The following RAPGEF2 variants were observed in gnomAD, a reference collection of about 807,000 sequenced individuals.
RAPGEF2 encodes the protein PDZ domain containing guanine nucleotide exchange factor (GEF) 1.
Under a neutral mutation model 186.7 loss-of-function variants are expected in RAPGEF2, and 54 were observed. That is an observed-to-expected ratio of 0.29 (90% CI 0.23 to 0.36). The LOEUF (loss-of-function observed/expected upper bound fraction) is 0.36, where lower values mean the gene tolerates loss of function less well. RAPGEF2 is among the 10% of genes least tolerant of loss of function. The probability of loss-of-function intolerance (pLI) is 1.00; values close to 1 mark genes in which losing one functional copy is unlikely to be tolerated. For missense variants in RAPGEF2, 1,532 were observed against 2,045.0 expected, an observed-to-expected ratio of 0.75 and a Z score of 4.84; for synonymous variants, 712 against 705.9, an observed-to-expected ratio of 1.01 and a Z score of -0.14.
At chr4:159,267,376 G>A in intron 7 of RAPGEF2, 2 of 1,240,308 alleles carry the variant, frequency 1.6e-6, no homozygotes, top group South Asian at 1.3e-5. Context: ...GATTGTGTGT[G>A]TGCATGTGCT....
chr4:159,230,237 G>A (rs1175792159), intron 4 of RAPGEF2, among the ~76,000 whole-genome samples: 1 of 152,118 alleles, frequency 6.6e-6, no homozygotes, highest in African/African-American at 2.4e-5. Context: ...TCAAACGCTG[G>A]TGTCTGTTTA....
At chr4:159,260,554 C>G (rs916416986) in intron 7 of RAPGEF2, among the ~76,000 whole-genome samples, 4 of 152,090 alleles carry the variant, frequency 2.6e-5, no homozygotes, top group Non-Finnish European at 4.4e-5. Context: ...TCTGGCTGAA[C>G]TACTTAATGC....
intron 7 of RAPGEF2, among the ~76,000 whole-genome samples, chr4:159,251,292 G>T (rs1755347406): frequency 6.6e-6 from 1 of 152,238 alleles, no homozygotes; most frequent in Admixed American, 6.5e-5. Context: ...TGGTCCCATC[G>T]ACTGCCCAAG....
At chr4:159,200,916 C>G (rs1177662982) in intron 3 of RAPGEF2, among the ~76,000 whole-genome samples, 1 of 152,052 alleles carries the variant, frequency 6.6e-6, no homozygotes. Flanking sequence ...TTACATATAA[C>G]TCAGTATTAT....
intron 4 of RAPGEF2, among the ~76,000 whole-genome samples, chr4:159,219,536 T>C (rs1486541580): frequency 6.6e-6 from 1 of 152,008 alleles, no homozygotes; most frequent in Non-Finnish European, 1.5e-5. Context: ...TTTGTATTTT[T>C]AGTAGAGACG....
At chr4:159,282,122 C>A (rs1290933208) in intron 7 of RAPGEF2, among the ~76,000 whole-genome samples, 3 of 152,130 alleles carry the variant, frequency 2.0e-5, no homozygotes, top group Non-Finnish European at 4.4e-5. Context: ...ACGGTGGCAT[C>A]CATGAATTTG....
At chr4:159,248,682 C>T (rs780603613) in intron 7 of RAPGEF2, among the ~76,000 whole-genome samples, 19 of 152,142 alleles carry the variant, frequency 1.2e-4, no homozygotes, top group African/African-American at 3.9e-4. Context: ...CAGGTATTTA[C>T]GTTGATTTAA....
intron 7 of RAPGEF2, among the ~76,000 whole-genome samples, chr4:159,259,939 TAAG>T (rs1002959175): frequency 6.6e-6 from 1 of 152,098 alleles, no homozygotes; most frequent in Non-Finnish European, 1.5e-5. Context: ...TTAAGGATGT[TAAG>T]AAGAAAACTT....
intron 4 of RAPGEF2, among the ~76,000 whole-genome samples, chr4:159,224,631 C>T (rs553993759): frequency 3.9e-4 from 59 of 152,188 alleles, no homozygotes; most frequent in African/African-American, 1.2e-3. Context: ...GTTTTAAAAG[C>T]ATACCAGCAG....
At chr4:159,332,754 A>G in intron 17 of RAPGEF2, 57 bp downstream of exon 17, 2 of 1,567,872 alleles carry the variant, frequency 1.3e-6, no homozygotes. Flanking sequence ...ATGATATGCA[A>G]AGATAGTGAT....
chr4:159,296,660 A>G (rs1762067827), intron 7 of RAPGEF2, among the ~76,000 whole-genome samples: 3 of 152,308 alleles, frequency 2.0e-5, no homozygotes, highest in African/African-American at 4.8e-5. Flanking sequence ...AAATTAAGTA[A>G]GCTAATGTAT....
intron 7 of RAPGEF2, among the ~76,000 whole-genome samples, chr4:159,255,157 A>G (rs889867907): frequency 6.6e-6 from 1 of 152,176 alleles, no homozygotes; most frequent in Non-Finnish European, 1.5e-5. Context: ...AGTAGGCAAC[A>G]TTATCTAGGT....
intron 4 of RAPGEF2, among the ~76,000 whole-genome samples, chr4:159,219,386 T>C (rs1385200706): frequency 4.2e-5 from 6 of 142,394 alleles, no homozygotes; most frequent in African/African-American, 1.7e-4. Context: ...GACGGAGTCT[T>C]GCTCTGTTGC....
At chr4:159,173,380 A>G (rs1746121632) in intron 1 of RAPGEF2, among the ~76,000 whole-genome samples, 1 of 152,196 alleles carries the variant, frequency 6.6e-6, no homozygotes, top group Non-Finnish European at 1.5e-5. Context: ...TGAATGTTCA[A>G]AATGAGTGCT....
Position 159,322,488 on chromosome 4 carries a change from GTAAC to G in RAPGEF2, c.990+8_990+11del. ...GTGTTAAATGATGGTGAAGAGGTGA[GTAAC>G]TATTCCTACCACTTAAAAAGTTTCT... On this transcript the variant is annotated splice_donor_region_variant and intron_variant, in intron 10 of 29. Transcript: ENST00000691494. The G allele has an allele frequency of 6.2e-7, 1 of 1,611,952 alleles. No individual in the cohort carries two copies. The highest frequency in any genetic ancestry group is 1.7e-4 in the Middle Eastern group (1 of 6,046).
chr4:159,332,667 G>C lies in RAPGEF2; in HGVS notation c.2105G>C (p.Arg702Pro). The C allele has an allele frequency of 6.2e-7, 1 of 1,614,046 alleles. No individual in the cohort carries two copies. Among genetic ancestry groups the C allele is most frequent in the Non-Finnish European group, 8.5e-7 (1 of 1,179,982 alleles). ...NKLKKILDKT[R>P]ISILPQKPYN... ...CTGAAAAAGATACTCGACAAGACTC[G>C]GATCAGTATCTTGCCACAGAAACCA... Residue 702 changes from arginine to proline, a missense_variant, in exon 17 of 30, where the codon CGG (arginine) becomes CCG (proline). By Grantham distance (103) the Arg-to-Pro change is moderately radical. Transcript: ENST00000691494.
intron 12 of RAPGEF2, 121 bp from the exon 13 acceptor site, chr4:159,330,213 T>G (rs1216610674): frequency 2.3e-6 from 2 of 853,238 alleles, no homozygotes; most frequent in East Asian, 5.2e-5. Context: ...ATGTTGAATG[T>G]TTGAAATCCC....
chr4:159,149,505 A>G (rs1246350850), intron 1 of RAPGEF2, among the ~76,000 whole-genome samples: 3 of 151,964 alleles, frequency 2.0e-5, no homozygotes, highest in East Asian at 1.9e-4. Context: ...GATCCACCCA[A>G]TTTGACCTCC....
intron 6 of RAPGEF2, among the ~76,000 whole-genome samples, chr4:159,242,564 G>T (rs1754143320): frequency 6.6e-6 from 1 of 151,958 alleles, no homozygotes; most frequent in South Asian, 2.1e-4. Context: ...TGCTACCCAT[G>T]AAGTATTTTA....
Sources: allele counts gnomAD v4.1 joint callset (sites outside exome capture counted in the v4.1 genomes callset), GRCh38; gene constraint gnomAD v4.1.1; transcripts MANE v1.5; gene names NCBI Gene and HGNC (gene_info 2026-07-23, HGNC 2026-07-21).